The following DTNB variants were observed in gnomAD, a reference collection of about 807,000 sequenced individuals.
DTNB encodes DTN-B.
Under a neutral mutation model 90.7 loss-of-function variants are expected in DTNB, and 63 were observed. That is an observed-to-expected ratio of 0.69 (90% CI 0.57 to 0.86). DTNB has a LOEUF of 0.86. DTNB is among the 40% of genes least tolerant of loss of function. DTNB has a pLI of 0.00. For synonymous variants in DTNB, 277 were observed against 286.7 expected (o/e 0.97, Z 0.34); for missense variants, 744 against 807.1 (o/e 0.92, Z 0.95).
intron 10 of DTNB, among the ~76,000 whole-genome samples, chr2:25,474,302 A>AG (rs1394865792): frequency 6.6e-6 from 1 of 152,108 alleles, no homozygotes; most frequent in Non-Finnish European, 1.5e-5. Flanking sequence ...TTAAAAAAAA[A>AG]AAAAACGCTG....
At chr2:25,432,755 C>T in intron 14 of DTNB, 131 bp downstream of exon 14, 1 of 911,686 alleles carries the variant, frequency 1.1e-6, no homozygotes, top group Non-Finnish European at 1.7e-6. Context: ...AATGGGTGAA[C>T]TCTTCAGTGG....
intron 8 of DTNB, among the ~76,000 whole-genome samples, chr2:25,537,557 C>A (rs914690808): frequency 1.3e-5 from 2 of 152,110 alleles, no homozygotes; most frequent in Non-Finnish European, 2.9e-5. Context: ...AAAGAGATTA[C>A]CCTAAAAATT....
chr2:25,422,645 G>T (rs1003483761), intron 15 of DTNB, among the ~76,000 whole-genome samples: 3 of 152,064 alleles, frequency 2.0e-5, no homozygotes, highest in Non-Finnish European at 4.4e-5. Context: ...TGATCCACCT[G>T]CCTCGGCCTC....
chr2:25,527,650 T>C (rs556819441), intron 9 of DTNB, among the ~76,000 whole-genome samples: 112 of 152,260 alleles, frequency 7.4e-4, no homozygotes, highest in African/African-American at 2.5e-3. Context: ...ACCTTTAAAA[T>C]TGAGAGAAAA....
chr2:25,536,723 C>T (rs553530357), intron 8 of DTNB, among the ~76,000 whole-genome samples: 4 of 152,042 alleles, frequency 2.6e-5, no homozygotes, highest in East Asian at 3.9e-4. Flanking sequence ...AGAGCGAGAG[C>T]GAGAGGGGAG....
chr2:25,543,986 C>CTT (rs35280890), intron 8 of DTNB, among the ~76,000 whole-genome samples: 3 of 151,236 alleles, frequency 2.0e-5, no homozygotes, highest in Admixed American at 6.6e-5. Flanking sequence ...GTCTGTCACT[C>CTT]TTTTTGTGGT....
chr2:25,451,474 A>G (rs2059272800), intron 12 of DTNB, 74 bp downstream of exon 12: 2 of 1,479,176 alleles, frequency 1.4e-6, no homozygotes, highest in Admixed American at 4.1e-5. Context: ...TTTCATGTCT[A>G]CTATTCCCTT....
chr2:25,623,182 C>T (rs1393912527), intron 4 of DTNB, among the ~76,000 whole-genome samples: 1 of 152,130 alleles, frequency 6.6e-6, no homozygotes, highest in Non-Finnish European at 1.5e-5. Flanking sequence ...TCAACTCTTC[C>T]TCTGAGCAAA....
Position 25,415,290 on chromosome 2 carries a change from A to G in DTNB, c.1575+4225T>C, listed in dbSNP as rs538431937. The stretch of plus-strand genomic sequence containing the variant: ...GAGACAGAGTCTCGCTCCGTTGCTC[A>G]GGCTGGAGTGCAGTGGCGTGATCTT... On this transcript the variant is annotated intron_variant, in intron 16 of 20. Coordinates refer to ENST00000406818, the MANE Select transcript of DTNB (RefSeq NM_021907.5). Among the ~76,000 whole-genome samples, 3 of 136,672 alleles carry G rather than the reference A, an allele frequency of 2.2e-5. No homozygotes were observed. In the South Asian group the frequency reaches 6.8e-4, roughly 31 times the overall value. The allele number at this position is 136,672 out of a possible 152,430, so 89.7% of individuals were successfully genotyped here. A position where few individuals can be genotyped will look rare whatever the true frequency, so the allele number is the denominator to read the frequency against.
Position 25,627,153 on chromosome 2 carries a change from C to G in DTNB, c.362+1018G>C, listed in dbSNP as rs561464223. ...TTTGGCCAGGTGTGGTGGCTCACAC[C>G]TGTAATCCCAGCAGTTTGGGAAGCC... On this transcript the variant is annotated intron_variant, in intron 4 of 20. Coordinates refer to ENST00000406818, the MANE Select transcript of DTNB (RefSeq NM_021907.5). Among the ~76,000 whole-genome samples the G allele has an allele frequency of 2.0e-5, 3 of 152,290 alleles. No homozygotes were observed. In the East Asian group the frequency reaches 5.8e-4, roughly 29 times the overall value.
chr2:25,407,418 C>T (rs1322368679), intron 16 of DTNB, among the ~76,000 whole-genome samples: 3 of 152,142 alleles, frequency 2.0e-5, no homozygotes, highest in Non-Finnish European at 2.9e-5. Flanking sequence ...ATCCCACTAC[C>T]GGGTATCTAC....
At chr2:25,385,683 G>A (rs1362245846) in intron 18 of DTNB, among the ~76,000 whole-genome samples, 1 of 152,198 alleles carries the variant, frequency 6.6e-6, no homozygotes, top group Non-Finnish European at 1.5e-5. Flanking sequence ...TCTAAAGTAA[G>A]GGACTGGACA....
intron 6 of DTNB, among the ~76,000 whole-genome samples, chr2:25,583,056 G>A (rs1036556112): frequency 1.3e-5 from 2 of 151,936 alleles, no homozygotes; most frequent in African/African-American, 4.8e-5. Flanking sequence ...AGACCAGCCT[G>A]GCCAACATAG....
At chr2:25,431,814 G>A (rs918732455) in intron 14 of DTNB, among the ~76,000 whole-genome samples, 8 of 152,114 alleles carry the variant, frequency 5.3e-5, no homozygotes, top group Admixed American at 1.3e-4. Flanking sequence ...TCCCTAGTAC[G>A]ACACCAGCTG....
At chr2:25,560,018 G>A (rs1437204673) in intron 8 of DTNB, among the ~76,000 whole-genome samples, 1 of 152,256 alleles carries the variant, frequency 6.6e-6, no homozygotes, top group Non-Finnish European at 1.5e-5. Flanking sequence ...AGAGGCCAAG[G>A]CGGGTGGATC....
At chr2:25,527,914 C>A (rs2077469488) in intron 9 of DTNB, among the ~76,000 whole-genome samples, 1 of 152,078 alleles carries the variant, frequency 6.6e-6, no homozygotes, top group African/African-American at 2.4e-5. Context: ...AAGAATCACA[C>A]ACTGGGTGAT....
At chr2:25,586,244 C>T (rs2148277497) in intron 6 of DTNB, among the ~76,000 whole-genome samples, 1 of 151,920 alleles carries the variant, frequency 6.6e-6, no homozygotes, top group Admixed American at 6.6e-5. Context: ...GGTGCGGTGG[C>T]TCACACCTAT....
In DTNB at chr2:25,383,194, T is replaced by C. The variant is rs550398954; in HGVS notation, c.1879+642A>G. The stretch of plus-strand genomic sequence containing the variant: ...TTTTTCTGCCACTTCATTTGATCTA[T>C]TTATTTTGCATTTTTGGTCTTTTTT... On this transcript the variant is annotated intron_variant, in intron 19 of 20. Coordinates refer to ENST00000406818, the MANE Select transcript of DTNB (RefSeq NM_021907.5). Among the ~76,000 whole-genome samples the C allele has an allele frequency of 6.3e-3, 827 of 131,122 alleles. 1 individual carries two copies. The highest frequency in any genetic ancestry group is 9.6e-3 in the Non-Finnish European group (569 of 59,092). The allele number at this position is 131,122 out of a possible 152,430, so 86.0% of individuals were successfully genotyped here. A position where few individuals can be genotyped will look rare whatever the true frequency, so the allele number is the denominator to read the frequency against.
At chr2:25,651,960 G>A (rs754147790) in intron 2 of DTNB, among the ~76,000 whole-genome samples, 7 of 152,184 alleles carry the variant, frequency 4.6e-5, no homozygotes, top group Non-Finnish European at 8.8e-5. Flanking sequence ...AAAGGAATTT[G>A]AGGTCCAGCA....
Sources: allele counts gnomAD v4.1 joint callset (sites outside exome capture counted in the v4.1 genomes callset), GRCh38; gene constraint gnomAD v4.1.1; transcripts MANE v1.5; gene names NCBI Gene and HGNC (gene_info 2026-07-23, HGNC 2026-07-21).